OR6Y1: variants seen among roughly 807,000 people sequenced by gnomAD.
The protein encoded by OR6Y1 is olfactory receptor family 6 subfamily Y member 1, also known as olfactory receptor 6Y1.
Under a neutral mutation model 0.4 loss-of-function variants are expected in OR6Y1, and 1 was observed. The ratio of observed to expected loss-of-function variants is 2.74; its 90% CI spans 0.97 to 13.02. The LOEUF (loss-of-function observed/expected upper bound fraction) is 13.02, where lower values mean the gene tolerates loss of function less well. Ranked by LOEUF, OR6Y1 falls within the 30% of genes most tolerant of loss-of-function variation. OR6Y1 has a pLI of 0.12. For missense variants in OR6Y1, 480 were observed against 399.8 expected (o/e 1.20, Z -1.71); for synonymous variants, 173 against 141.1 (o/e 1.23, Z -1.60).
intron 1 of OR6Y1, among the ~76,000 whole-genome samples, chr1:158,551,955 T>C (rs1042667577): frequency 6.6e-6 from 1 of 152,114 alleles, no homozygotes; most frequent in African/African-American, 2.4e-5. Context: ...CCAGTATCTA[T>C]AAAACTAGCC....
Position 158,547,410 on chromosome 1 carries a change from C to T in OR6Y1, c.696G>A (p.Arg232=), listed in dbSNP as rs1176186242. 1 of 1,613,496 alleles carries T rather than the reference C, an allele frequency of 6.2e-7. No homozygotes were observed. Among genetic ancestry groups the T allele is most frequent in the Non-Finnish European group, 8.5e-7 (1 of 1,179,988 alleles). Residue 232 remains arginine, a synonymous_variant, in exon 2 of 2, where the codon AGG becomes AGA. Coordinates refer to ENST00000641622, the MANE Select transcript of OR6Y1 (RefSeq NM_001005189.2). ...SYAAILATIL[R]IPSAQGRQKA... is the part of the protein sequence containing the mutation. ...TTTGGCGGCCCTGAGCAGAAGGGAT[C>T]CTGAGGATGGTGGCAAGGATAGCAG...
At chr1:158,552,551 C>T (rs1031800614) in intron 1 of OR6Y1, among the ~76,000 whole-genome samples, 1 of 151,914 alleles carries the variant, frequency 6.6e-6, no homozygotes, top group South Asian at 2.1e-4. Flanking sequence ...TAGGAAATGA[C>T]CTACTCTGTT....
At position 158,547,521 on chromosome 1, in the gene OR6Y1, C is replaced by G. The variant is rs141438111; in HGVS notation, c.585G>C (p.Glu195Asp). 1.9e-6 allele frequency: 3 copies of G among 1,613,342 alleles called. No individual in the cohort carries two copies. The highest frequency in any genetic ancestry group is 1.3e-5 in the African/African-American group (1 of 74,396). Reference protein sequence around the residue: ...DISPLLNVSCEDASQAEMVDF... With the variant: ...DISPLLNVSCDDASQAEMVDF... ...CCACCATCTCAGCCTGTGAGGCATC[C>G]TCACAGGAGACGTTAAGGAGTGGAG... Residue 195 changes from glutamate to aspartate, a missense_variant, in exon 2 of 2, where the codon GAG (glutamate) becomes GAC (aspartate). Physicochemically the swap from Glu to Asp is conservative, Grantham distance 45. Transcript: ENST00000641622.
At chr1:158,551,324 T>C (rs113267175) in intron 1 of OR6Y1, among the ~76,000 whole-genome samples, 2 of 151,888 alleles carry the variant, frequency 1.3e-5, no homozygotes, top group African/African-American at 4.9e-5. Flanking sequence ...CAACTCTCAG[T>C]CACACATTGT....
Position 158,547,521 on chromosome 1 carries a change from C to T in OR6Y1, c.585G>A (p.Glu195=). ...DISPLLNVSC[E]DASQAEMVDF... is the part of the protein sequence containing the mutation. ...CCACCATCTCAGCCTGTGAGGCATC[C>T]TCACAGGAGACGTTAAGGAGTGGAG... Residue 195 remains glutamate (E), a synonymous_variant, in exon 2 of 2, where the codon GAG becomes GAA. Transcript: ENST00000641622. 8.7e-6 allele frequency: 14 copies of T among 1,613,456 alleles called. No individual in the cohort carries two copies. Among genetic ancestry groups the T allele is most frequent in the Non-Finnish European group, 8.5e-6 (10 of 1,179,994 alleles).
rs1647607703 is a variant in OR6Y1 at position 158,548,193 on chromosome 1, G to T, written c.-88C>A. On this transcript the variant is annotated 5_prime_UTR_variant, in exon 2 of 2. In the 5' UTR this introduces an upstream ATG that the reference lacks. Coordinates refer to ENST00000641622, the MANE Select transcript of OR6Y1 (RefSeq NM_001005189.2). ...TTTGTATTGATAGAGCCCACCACCA[G>T]CAAATTTATCACAATAGGAGGTTTC... The T allele has an allele frequency of 1.5e-6, 2 of 1,356,720 alleles. No homozygotes were observed. Among genetic ancestry groups the T allele is most frequent in the East Asian group, 4.6e-5 (2 of 43,440 alleles). 84.0% of individuals were successfully genotyped at this position (1,356,720 alleles called of 1,614,324 possible). A position where few individuals can be genotyped will look rare whatever the true frequency, so the allele number is the denominator to read the frequency against.
At position 158,546,521 on chromosome 1, in the gene OR6Y1, A is replaced by G. The variant is rs1046785863; in HGVS notation, c.*607T>C. 6.6e-6 allele frequency: 1 copy of G among 152,110 alleles called. No homozygotes were observed. Among genetic ancestry groups the G allele is most frequent in the Admixed American group, 6.6e-5 (1 of 15,262 alleles). 9.4% of individuals were successfully genotyped at this position (152,110 alleles called of 1,614,324 possible). ...TTGTTTTTAAACGCCTTAACAAATT[A>G]GTCATTTATGTTATTTGGAGGGAAG... is the stretch of plus-strand genomic sequence containing the variant. On this transcript the variant is annotated 3_prime_UTR_variant, in exon 2 of 2. Transcript: ENST00000641622.
Position 158,547,207 on chromosome 1 carries a change from TG to T in OR6Y1, c.898del (p.His300MetfsTer3). ...CTTTCTGAGGGCTGCCTTTACTTCA[TG>T]GTTCCTCAGACAGTAAATGATGGGG... ...LNPIIYCLRNHEVKAALRKTI... is the reference protein window; with the variant it reads ...LNPIIYCLRNXEVKAALRKTI... On this transcript the variant is annotated frameshift_variant, in exon 2 of 2. Transcript: ENST00000641622. LOFTEE classifies it low-confidence loss of function (END_TRUNC). 6.2e-7 allele frequency: 1 copy of T among 1,613,662 alleles called. No individual in the cohort carries two copies. Among genetic ancestry groups the T allele is most frequent in the Non-Finnish European group, 8.5e-7 (1 of 1,179,954 alleles).
Position 158,547,182 on chromosome 1 carries a change from C to A in OR6Y1, c.924G>T (p.Lys308Asn). The A allele has an allele frequency of 1.2e-6, 2 of 1,613,544 alleles. No individual in the cohort carries two copies. The highest frequency in any genetic ancestry group is 1.7e-6 in the Non-Finnish European group (2 of 1,179,930). Residue 308 changes from lysine (K) to asparagine (N), a missense_variant, in exon 2 of 2, where the codon AAG (lysine) becomes AAT (asparagine). Transcript: ENST00000641622. ...RNHEVKAALR[K>N]TIHCRGSGPQ... ...GCCCACTTCCTCTGCAATGTATGGT[C>A]TTTCTGAGGGCTGCCTTTACTTCAT...
rs1361694874 is a variant in OR6Y1, at chr1:158,546,467, A to T, written c.*661T>A. 1 of 152,132 alleles carries T rather than the reference A, an allele frequency of 6.6e-6. No homozygotes were observed. Among genetic ancestry groups the T allele is most frequent in the Non-Finnish European group, 1.5e-5 (1 of 68,028 alleles). 9.4% of individuals were successfully genotyped at this position (152,132 alleles called of 1,614,324 possible). On this transcript the variant is annotated 3_prime_UTR_variant, in exon 2 of 2. Coordinates refer to ENST00000641622, the MANE Select transcript of OR6Y1 (RefSeq NM_001005189.2). ...ATAATAAAAATTAGTAATAGTTTTC[A>T]CTTTGTTATTTGGTATAAACTTAAT...
rs1647565543 is a variant in OR6Y1, at chr1:158,547,229, T to C, written c.877A>G (p.Ile293Val). 1 of 1,613,398 alleles carries C rather than the reference T, an allele frequency of 6.2e-7. No individual in the cohort carries two copies. The highest frequency in any genetic ancestry group is 1.1e-5 in the South Asian group (1 of 91,084). ...TCATGGTTCCTCAGACAGTAAATGA[T>C]GGGGTTGAGGAGTGGAACAATGACA... The part of the protein sequence containing the change: ...YTVIVPLLNP[I>V]IYCLRNHEVK... The change falls in exon 2 of 2, where the codon ATC becomes GTC. Residue 293 changes from isoleucine to valine, a missense_variant. Ile to Val is a conservative substitution (Grantham distance 29). Coordinates refer to ENST00000641622, the MANE Select transcript of OR6Y1 (RefSeq NM_001005189.2).
Position 158,548,142 on chromosome 1 carries a change from A to G in OR6Y1, c.-37T>C. Reference sequence around the variant, plus strand: ...GGCACAGACAAAGTCAGTTCCTTCCATGACACAAGCACTAGTCTATGGTTA... The same window carrying G: ...GGCACAGACAAAGTCAGTTCCTTCCGTGACACAAGCACTAGTCTATGGTTA... On this transcript the variant is annotated 5_prime_UTR_variant, in exon 2 of 2. An upstream start codon of the reference 5' UTR is lost. Transcript: ENST00000641622. The G allele has an allele frequency of 6.3e-7, 1 of 1,585,936 alleles. No individual in the cohort carries two copies. The highest frequency in any genetic ancestry group is 1.2e-5 in the South Asian group (1 of 86,260).
rs1311398723 is a variant in OR6Y1 at position 158,551,135 on chromosome 1, T to G, written c.-1432-1598A>C. Among the ~76,000 whole-genome samples, 8 of 151,558 alleles carry G rather than the reference T, an allele frequency of 5.3e-5. No homozygotes were observed. In the East Asian group the frequency reaches 1.4e-3, roughly 26 times the overall value. On this transcript the variant is annotated intron_variant, in intron 1 of 1. Transcript: ENST00000641622. ...ATTGGGTGAGGCTTTTTTTTTTTCT[T>G]CTGAGAATTAAATTGTACCTTTAAA...
chr1:158,550,211 C>A (rs1207583898), intron 1 of OR6Y1, among the ~76,000 whole-genome samples: 1 of 120,452 alleles, frequency 8.3e-6, no homozygotes, highest in East Asian at 2.6e-4. Flanking sequence ...GTAACATATT[C>A]TCCATTCCTT....
In OR6Y1 at chr1:158,544,665, T is replaced by G. The variant is rs562942270; in HGVS notation, c.*2463A>C. The G allele has an allele frequency of 7.2e-5, 11 of 152,192 alleles. No individual in the cohort carries two copies. Among genetic ancestry groups the G allele is most frequent in the Non-Finnish European group, 1.2e-4 (8 of 68,030 alleles). 9.4% of individuals were successfully genotyped at this position (152,192 alleles called of 1,614,324 possible). A position where few individuals can be genotyped will look rare whatever the true frequency, so the allele number is the denominator to read the frequency against. ...TATCAAGCCTATTACCCATTAGTTA[T>G]TTCTCCTGATCCTCTACCTCCTCCC... On this transcript the variant is annotated 3_prime_UTR_variant, in exon 2 of 2. Coordinates refer to ENST00000641622, the MANE Select transcript of OR6Y1 (RefSeq NM_001005189.2).
At position 158,545,293 on chromosome 1, in the gene OR6Y1, A is replaced by G. The variant is rs1647487622; in HGVS notation, c.*1835T>C. On this transcript the variant is annotated 3_prime_UTR_variant, in exon 2 of 2. Coordinates refer to ENST00000641622, the MANE Select transcript of OR6Y1 (RefSeq NM_001005189.2). ...CACACCAGTTAGAATGGCTATTATTATGGACACAGGAACATCACACTCCGG... is the reference window on the plus strand; with the variant it reads ...CACACCAGTTAGAATGGCTATTATTGTGGACACAGGAACATCACACTCCGG... 7.6e-6 allele frequency: 1 copy of G among 131,080 alleles called. No individual in the cohort carries two copies. 8.1% of individuals were successfully genotyped at this position (131,080 alleles called of 1,614,324 possible). A position where few individuals can be genotyped will look rare whatever the true frequency, so the allele number is the denominator to read the frequency against.
chr1:158,547,511 G>C lies in OR6Y1; in HGVS notation c.595C>G (p.Gln199Glu). 1.9e-5 allele frequency: 30 copies of C among 1,613,530 alleles called. No homozygotes were observed. The highest frequency in any genetic ancestry group is 2.5e-5 in the Non-Finnish European group (30 of 1,180,000). Residue 199 changes from glutamine (Q) to glutamate (E), a missense_variant, in exon 2 of 2, where the codon CAG (glutamine) becomes GAG (glutamate). Gln to Glu is a conservative substitution (Grantham distance 29). Coordinates refer to ENST00000641622, the MANE Select transcript of OR6Y1 (RefSeq NM_001005189.2). ...LLNVSCEDASQAEMVDFFLAL... is the reference protein window; with the variant it reads ...LLNVSCEDASEAEMVDFFLAL... ...AAGAAGAAGTCCACCATCTCAGCCTGTGAGGCATCCTCACAGGAGACGTTA... is the reference window on the plus strand; with the variant it reads ...AAGAAGAAGTCCACCATCTCAGCCTCTGAGGCATCCTCACAGGAGACGTTA...
Position 158,547,252 on chromosome 1 carries a change from A to T in OR6Y1, c.854T>A (p.Val285Asp). ...SNKVVSVLYT[V>D]IVPLLNPIIY... The stretch of plus-strand genomic sequence containing the variant: ...GATGGGGTTGAGGAGTGGAACAATG[A>T]CAGTGTAGAGAACAGATACCACTTT... The change falls in exon 2 of 2, where the codon GTC (valine) becomes GAC (aspartate). Residue 285 changes from valine to aspartate, a missense_variant. Coordinates refer to ENST00000641622, the MANE Select transcript of OR6Y1 (RefSeq NM_001005189.2). 2 of 1,613,688 alleles carry T rather than the reference A, an allele frequency of 1.2e-6. No homozygotes were observed. Among genetic ancestry groups the T allele is most frequent in the Non-Finnish European group, 1.7e-6 (2 of 1,180,002 alleles).
At chr1:158,553,033 G>A (rs188315566) in intron 1 of OR6Y1, among the ~76,000 whole-genome samples, 5 of 152,220 alleles carry the variant, frequency 3.3e-5, no homozygotes, top group East Asian at 1.9e-4. Flanking sequence ...GCACCTCTCC[G>A]TTTCTACTGT....
Sources: gnomAD v4.1 joint callset for allele counts (sites outside exome capture counted in the v4.1 genomes callset) on GRCh38, gnomAD v4.1.1 for gene constraint, MANE v1.5 for transcripts, NCBI Gene and HGNC (gene_info 2026-07-23, HGNC 2026-07-21) for gene names.